HTR4: variants seen among roughly 807,000 people sequenced by gnomAD.
The protein encoded by HTR4 is 5-hydroxytryptamine (serotonin) receptor 4, G protein-coupled.
A neutral mutation model predicts 36.8 loss-of-function variants in HTR4; 16 were observed. The ratio of observed to expected loss-of-function variants is 0.43; its 90% CI spans 0.29 to 0.66. The LOEUF is 0.66. Ranked by LOEUF, HTR4 falls within the 30% of genes least tolerant of loss-of-function variation. The pLI is 0.13. For missense variants in HTR4, 438 were observed against 490.9 expected, an observed-to-expected ratio of 0.89 and a Z score of 1.02; for synonymous variants, 189 against 185.1, an observed-to-expected ratio of 1.02 and a Z score of -0.17.
intron 2 of HTR4, among the ~76,000 whole-genome samples, chr5:148,599,493 A>G (rs1761902883): frequency 6.6e-6 from 1 of 152,190 alleles, no homozygotes; most frequent in East Asian, 1.9e-4. Context: ...CACAATACTG[A>G]AAGAAAACAA....
chr5:148,643,925 T>C (rs1336539912), intron 1 of HTR4, among the ~76,000 whole-genome samples: 2 of 152,176 alleles, frequency 1.3e-5, no homozygotes, highest in African/African-American at 2.4e-5. Flanking sequence ...TGATTCTGAA[T>C]TCTGAGGAAA....
chr5:148,550,064 T>G (rs1451405360), intron 3 of HTR4, 73 bp downstream of exon 3: 2 of 1,459,802 alleles, frequency 1.4e-6, no homozygotes, highest in East Asian at 4.6e-5. Context: ...CTAATAGAAA[T>G]GTTCACACCC....
chr5:148,570,217 A>G (rs1326974636), intron 2 of HTR4, among the ~76,000 whole-genome samples: 3 of 152,162 alleles, frequency 2.0e-5, no homozygotes, highest in African/African-American at 7.2e-5. Flanking sequence ...TGTTCATTCA[A>G]CCATTCCTTC....
chr5:148,522,108 C>T (rs770278813), intron 5 of HTR4, among the ~76,000 whole-genome samples: 2 of 152,132 alleles, frequency 1.3e-5, no homozygotes, highest in African/African-American at 2.4e-5. Flanking sequence ...AAACCCCCTT[C>T]GCTTGGCTCC....
At chr5:148,465,440 G>C (rs964163638) in intron 5 of HTR4, among the ~76,000 whole-genome samples, 10 of 152,096 alleles carry the variant, frequency 6.6e-5, no homozygotes, top group African/African-American at 2.4e-4. Flanking sequence ...ACCTTATTTA[G>C]TCACGATCAA....
chr5:148,528,394 A>G (rs1272500229), intron 4 of HTR4, among the ~76,000 whole-genome samples: 1 of 152,130 alleles, frequency 6.6e-6, no homozygotes, highest in Non-Finnish European at 1.5e-5. Context: ...CTGAAGATTC[A>G]CACCAAGACC....
chr5:148,455,263 GA>G (rs1581328537), intron 5 of HTR4, among the ~76,000 whole-genome samples: 1 of 152,114 alleles, frequency 6.6e-6, no homozygotes. Flanking sequence ...ACACACTCCT[GA>G]ACCTTTGCCC....
At chr5:148,528,361 T>A (rs973372037) in intron 4 of HTR4, among the ~76,000 whole-genome samples, 1 of 152,206 alleles carries the variant, frequency 6.6e-6, no homozygotes, top group Non-Finnish European at 1.5e-5. Context: ...GCTCGAATTC[T>A]AGCATCTACT....
At chr5:148,481,443 T>C (rs1755877383), downstream of HTR4, 2 of 878,160 alleles carry the variant, frequency 2.3e-6, no homozygotes, top group South Asian at 3.1e-5. Flanking sequence ...TTCTCACGAA[T>C]TCTGAATAGC....
downstream of HTR4, among the ~76,000 whole-genome samples, chr5:148,478,492 C>T (rs139361036): frequency 3.2e-4 from 48 of 152,218 alleles, no homozygotes; most frequent in African/African-American, 8.2e-4. Flanking sequence ...AGGTGTGATT[C>T]TGAGGAAATG....
intron 2 of HTR4, among the ~76,000 whole-genome samples, chr5:148,618,551 T>C (rs934794392): frequency 3.3e-5 from 5 of 152,324 alleles, no homozygotes; most frequent in African/African-American, 1.2e-4. Flanking sequence ...CTGATCTCTT[T>C]GTGGGATCTG....
At chr5:148,613,701 A>G (rs1469187919) in intron 2 of HTR4, among the ~76,000 whole-genome samples, 1 of 149,180 alleles carries the variant, frequency 6.7e-6, no homozygotes, top group Non-Finnish European at 1.5e-5. Context: ...CAGGAGAAGG[A>G]AATAAAGGGT....
chr5:148,529,719 G>A (rs1228870252), intron 4 of HTR4, among the ~76,000 whole-genome samples: 1 of 152,222 alleles, frequency 6.6e-6, no homozygotes, highest in Admixed American at 6.5e-5. Flanking sequence ...GGCAGAGGTT[G>A]GAATAGTATG....
intron 2 of HTR4, among the ~76,000 whole-genome samples, chr5:148,633,037 G>C (rs909230265): frequency 1.3e-5 from 2 of 151,964 alleles, no homozygotes; most frequent in Non-Finnish European, 2.9e-5. Flanking sequence ...TGCCTCCTCC[G>C]GAGCCTTGAG....
chr5:148,465,672 A>C (rs1755408434), intron 5 of HTR4, among the ~76,000 whole-genome samples: 1 of 152,144 alleles, frequency 6.6e-6, no homozygotes, highest in South Asian at 2.1e-4. Context: ...AAAAATAGAA[A>C]ATTAAATAAA....
intron 5 of HTR4, among the ~76,000 whole-genome samples, chr5:148,457,092 C>A (rs1175074994): frequency 1.3e-5 from 2 of 152,102 alleles, no homozygotes; most frequent in East Asian, 3.9e-4. Flanking sequence ...CCTCTGCCTG[C>A]CTAGCCTGGC....
intron 2 of HTR4, among the ~76,000 whole-genome samples, chr5:148,587,297 C>A (rs1038198803): frequency 6.6e-6 from 1 of 152,102 alleles, no homozygotes; most frequent in East Asian, 1.9e-4. Context: ...CTTTTCTCAC[C>A]TTTTTCACTT....
intron 5 of HTR4, among the ~76,000 whole-genome samples, chr5:148,455,547 T>A (rs17777066): frequency 6.6e-6 from 1 of 151,842 alleles, no homozygotes; most frequent in African/African-American, 2.4e-5. Context: ...CCAAATGGAG[T>A]TTCCCTTTCT....
intron 4 of HTR4, among the ~76,000 whole-genome samples, chr5:148,537,498 T>A (rs2113825219): frequency 6.6e-6 from 1 of 151,966 alleles, no homozygotes; most frequent in South Asian, 2.1e-4. Flanking sequence ...CTAGCTAAAG[T>A]AATAAAGAAG....
Sources: allele counts gnomAD v4.1 joint callset (sites outside exome capture counted in the v4.1 genomes callset), GRCh38; gene constraint gnomAD v4.1.1; transcripts MANE v1.5; gene names NCBI Gene and HGNC (gene_info 2026-07-23, HGNC 2026-07-21).